The following CAMKK2 variants were observed in gnomAD, a reference collection of about 807,000 sequenced individuals.
The protein encoded by CAMKK2 is calcium/calmodulin-dependent protein kinase kinase 2.
A neutral mutation model predicts 67.2 loss-of-function variants in CAMKK2; 30 were observed. The ratio of observed to expected loss-of-function variants is 0.45; its 90% CI spans 0.33 to 0.61. The LOEUF is 0.61. CAMKK2 is among the 20% of genes least tolerant of loss of function. CAMKK2 has a pLI of 0.02. For missense variants in CAMKK2, 643 were observed against 802.0 expected (o/e 0.80, Z 2.39); for synonymous variants, 322 against 326.2 (o/e 0.99, Z 0.14).
Position 121,240,695 on chromosome 12 carries a change from G to A in CAMKK2, c.*4C>T, listed in dbSNP as rs376839554. 1.2e-4 allele frequency: 196 copies of A among 1,594,706 alleles called. No individual in the cohort carries two copies. The African/African-American group carries it at 2.5e-3, about 20-fold the overall frequency. The stretch of plus-strand genomic sequence containing the variant: ...GCGCATGCGAGGTCGAGCGATCCAG[G>A]CAGCTACTCGGGCTCCATGGCCTCC... On this transcript the variant is annotated 3_prime_UTR_variant, in exon 17 of 17. Transcript: ENST00000404169. This position sits in a 1 kb window ranked among gnomAD's most constrained non-coding sequence, Gnocchi z 4.4.
At chr12:121,248,794 C>T in intron 13 of CAMKK2, 60 bp from the exon 14 acceptor site, 1 of 1,603,190 alleles carries the variant, frequency 6.2e-7, no homozygotes. Flanking sequence ...GGGGCCCTGC[C>T]AGCGAGCGGA....
intron 9 of CAMKK2, among the ~76,000 whole-genome samples, chr12:121,255,304 T>TATATATTTA (rs1891870229): frequency 1.7e-4 from 1 of 6,002 alleles, no homozygotes; most frequent in Non-Finnish European, 2.8e-4. Flanking sequence ...ATATATAATT[T>TATATATTTA]TATATATAAT....
At chr12:121,252,851 G>C (rs1021799886) in intron 10 of CAMKK2, 137 bp from the exon 11 acceptor site, 19 of 807,136 alleles carry the variant, frequency 2.4e-5, no homozygotes, top group Non-Finnish European at 3.2e-5. Context: ...CTAGGCTCTG[G>C]GGCAGGCACA....
chr12:121,282,774 T>C (rs11834588), intron 1 of CAMKK2, among the ~76,000 whole-genome samples: 3 of 138,848 alleles, frequency 2.2e-5, no homozygotes, highest in African/African-American at 1.0e-4. Context: ...CTTTTCTTTT[T>C]GACAGAGTCT....
chr12:121,257,609 T>C (rs536085191), intron 7 of CAMKK2, among the ~76,000 whole-genome samples: 127 of 152,200 alleles, frequency 8.3e-4, no homozygotes, highest in African/African-American at 3.0e-3. Flanking sequence ...ACAGGGAAGC[T>C]ACTCAGACAA....
intron 5 of CAMKK2, among the ~76,000 whole-genome samples, chr12:121,266,427 G>A (rs1041933426): frequency 1.3e-5 from 2 of 152,084 alleles, no homozygotes; most frequent in Non-Finnish European, 2.9e-5. Context: ...ATTGATAATA[G>A]TGACGTGAGG....
chr12:121,286,881 C>T (rs1424378306), intron 1 of CAMKK2, among the ~76,000 whole-genome samples: 1 of 151,914 alleles, frequency 6.6e-6, no homozygotes, highest in African/African-American at 2.4e-5. Flanking sequence ...ACTGAATTCA[C>T]GACCCTCAGT....
chr12:121,248,313 A>G (rs1889921482), intron 14 of CAMKK2, among the ~76,000 whole-genome samples: 1 of 152,034 alleles, frequency 6.6e-6, no homozygotes, highest in Non-Finnish European at 1.5e-5. Context: ...CCGGCTCCCA[A>G]CCCTTGCCCC....
intron 11 of CAMKK2, among the ~76,000 whole-genome samples, chr12:121,250,536 T>C (rs1304400486): frequency 6.6e-6 from 1 of 152,188 alleles, no homozygotes; most frequent in Admixed American, 6.5e-5. Context: ...TCTCCCACCA[T>C]GCAGGTGTCT....
rs1593307110 is a variant in CAMKK2, at chr12:121,252,647, C to T, written c.1161+14G>A. 6.2e-7 allele frequency: 1 copy of T among 1,613,732 alleles called. No homozygotes were observed. The highest frequency in any genetic ancestry group is 8.5e-7 in the Non-Finnish European group (1 of 1,179,604). On this transcript the variant is annotated intron_variant, in intron 11 of 16. Coordinates refer to ENST00000404169, the MANE Select transcript of CAMKK2 (RefSeq NM_001270485.2). ...CCCAGCAGTACTGAGGGGACAGACACCCCGCCCTCTTACCTGGCCAAAGAC... is the reference window on the plus strand; with the variant it reads ...CCCAGCAGTACTGAGGGGACAGACATCCCGCCCTCTTACCTGGCCAAAGAC...
At chr12:121,295,729 T>G (rs1901016378) in intron 1 of CAMKK2, among the ~76,000 whole-genome samples, 2 of 152,196 alleles carry the variant, frequency 1.3e-5, no homozygotes, top group African/African-American at 4.8e-5. Context: ...CTGATAGCAC[T>G]GAGACGCCCT....
In CAMKK2 at chr12:121,240,864, T is replaced by G. The variant is rs1300784490; in HGVS notation, c.1602A>C (p.Ala534=). ...GCCCTGGAGGTTGTCTTCGCTGCCT[T>G]GCTTCCTGCTCACCGAACAGAAAAC... ...ECESLSELKE[A]RQRRQPPGHR... is the part of the protein sequence containing the mutation. Residue 534 remains alanine (A), a synonymous_variant, in exon 17 of 17, where the codon GCA becomes GCC. Coordinates refer to ENST00000404169, the MANE Select transcript of CAMKK2 (RefSeq NM_001270485.2). The surrounding 1 kb of genome is among the most constrained non-coding windows in gnomAD (Gnocchi z 4.4). 6.2e-7 allele frequency: 1 copy of G among 1,612,364 alleles called. No individual in the cohort carries two copies. The highest frequency in any genetic ancestry group is 1.7e-5 in the Admixed American group (1 of 59,946).
intron 2 of CAMKK2, among the ~76,000 whole-genome samples, chr12:121,272,226 AAATATT>A (rs1385413741): frequency 1.3e-5 from 2 of 152,264 alleles, no homozygotes; most frequent in African/African-American, 4.8e-5. Flanking sequence ...ACTTGCATAT[AAATATT>A]AATAACAGCT....
intron 1 of CAMKK2, among the ~76,000 whole-genome samples, chr12:121,282,793 C>T (rs1237193568): frequency 3.3e-5 from 5 of 151,918 alleles, no homozygotes; most frequent in Non-Finnish European, 7.4e-5. Context: ...CTTGCTCTGT[C>T]CCCCGGGCTG....
intron 1 of CAMKK2, among the ~76,000 whole-genome samples, chr12:121,282,720 A>G (rs1326100011): frequency 6.6e-6 from 1 of 152,014 alleles, no homozygotes; most frequent in African/African-American, 2.4e-5. Flanking sequence ...TCTGGCCTCC[A>G]GAAATGACAG....
At chr12:121,286,910 G>C (rs1002619725) in intron 1 of CAMKK2, among the ~76,000 whole-genome samples, 1 of 151,864 alleles carries the variant, frequency 6.6e-6, no homozygotes, top group Non-Finnish European at 1.5e-5. Flanking sequence ...TTTTTTTGGG[G>C]GGCGGGGCGG....
At chr12:121,279,045 ATT>A (rs1434497287) in intron 1 of CAMKK2, among the ~76,000 whole-genome samples, 1 of 152,156 alleles carries the variant, frequency 6.6e-6, no homozygotes. Flanking sequence ...GTCAATGGAG[ATT>A]TGTTTTTTTC....
At position 121,240,631 on chromosome 12, in the gene CAMKK2, T is replaced by C. The variant is rs1053939361; in HGVS notation, c.*68A>G. The C allele has an allele frequency of 1.2e-5, 19 of 1,536,506 alleles. No homozygotes were observed. The East Asian group carries it at 3.7e-4, about 30-fold the overall frequency. Reference sequence around the variant, plus strand: ...TGGGTTTCCGTAGGACATGCTGCTATGGAAACGCGGTGCAGCAGCCCCCCA... The same window carrying C: ...TGGGTTTCCGTAGGACATGCTGCTACGGAAACGCGGTGCAGCAGCCCCCCA... On this transcript the variant is annotated 3_prime_UTR_variant, in exon 17 of 17. Coordinates refer to ENST00000404169, the MANE Select transcript of CAMKK2 (RefSeq NM_001270485.2). The surrounding 1 kb of genome is among the most constrained non-coding windows in gnomAD (Gnocchi z 4.4).
In CAMKK2 at chr12:121,240,621, C is replaced by T; in HGVS notation, c.*78G>A. The T allele has an allele frequency of 1.3e-6, 2 of 1,534,522 alleles. No homozygotes were observed. Among genetic ancestry groups the T allele is most frequent in the Non-Finnish European group, 1.7e-6 (2 of 1,146,712 alleles). ...ACACACGTGCTGGGTTTCCGTAGGA[C>T]ATGCTGCTATGGAAACGCGGTGCAG... On this transcript the variant is annotated 3_prime_UTR_variant, in exon 17 of 17. Coordinates refer to ENST00000404169, the MANE Select transcript of CAMKK2 (RefSeq NM_001270485.2). The surrounding 1 kb of genome is among the most constrained non-coding windows in gnomAD (Gnocchi z 4.4).
Sources: gnomAD v4.1 joint callset for allele counts (sites outside exome capture counted in the v4.1 genomes callset) on GRCh38, gnomAD v4.1.1 for gene constraint, Gnocchi (gnomAD v3.1) non-coding constraint, MANE v1.5 for transcripts, NCBI Gene and HGNC (gene_info 2026-07-23, HGNC 2026-07-21) for gene names.